The following HOOK3 variants were observed in gnomAD, a reference collection of about 807,000 sequenced individuals.
The protein encoded by HOOK3 is protein Hook homolog 3.
In HOOK3, 24 loss-of-function variants were observed where a neutral mutation model predicts 116.3. That is an observed-to-expected ratio of 0.21 (90% CI 0.15 to 0.29). The LOEUF (loss-of-function observed/expected upper bound fraction) is 0.29, where lower values mean the gene tolerates loss of function less well. Ranked by LOEUF, HOOK3 falls within the 10% of genes least tolerant of loss-of-function variation. The pLI is 1.00. For missense variants in HOOK3, 632 were observed against 830.2 expected, an observed-to-expected ratio of 0.76 and a Z score of 2.93; for synonymous variants, 275 against 283.0, an observed-to-expected ratio of 0.97 and a Z score of 0.28.
At chr8:42,937,954 C>T (rs545682153) in intron 4 of HOOK3, among the ~76,000 whole-genome samples, 36 of 152,276 alleles carry the variant, frequency 2.4e-4, no homozygotes, top group African/African-American at 8.4e-4. Flanking sequence ...TGTTAATTTT[C>T]TGTCTCATTA....
rs548162022 is a variant in HOOK3, at chr8:42,958,965, G to A, written c.532-266G>A. Among the ~76,000 whole-genome samples, 5 of 152,212 alleles carry A rather than the reference G, an allele frequency of 3.3e-5. No homozygotes were observed. The South Asian group carries it at 1.0e-3, about 32-fold the overall frequency. On this transcript the variant is annotated intron_variant, in intron 7 of 21. Coordinates refer to ENST00000307602, the MANE Select transcript of HOOK3 (RefSeq NM_032410.4). ...TTATCCTTACCAAGAACCAGGTAGT[G>A]TAGATCAAAAAAGACGCATAAGAAA... is the stretch of plus-strand genomic sequence containing the variant.
chr8:42,919,949 G>A (rs1264691367), intron 2 of HOOK3, among the ~76,000 whole-genome samples: 1 of 150,456 alleles, frequency 6.6e-6, no homozygotes, highest in Non-Finnish European at 1.5e-5. Flanking sequence ...GGGAGAGGGA[G>A]AGGGTTTTTT....
intron 15 of HOOK3, among the ~76,000 whole-genome samples, chr8:42,995,695 G>C (rs1460419408): frequency 6.6e-6 from 1 of 151,988 alleles, no homozygotes; most frequent in Non-Finnish European, 1.5e-5. Flanking sequence ...CAAATTTCTA[G>C]GCATTTCATT....
intron 18 of HOOK3, among the ~76,000 whole-genome samples, chr8:43,009,270 G>T (rs1809556924): frequency 6.6e-6 from 1 of 152,060 alleles, no homozygotes; most frequent in South Asian, 2.1e-4. Flanking sequence ...GCCGGGGGTG[G>T]TGGCAAACAC....
intron 11 of HOOK3, among the ~76,000 whole-genome samples, chr8:42,968,513 A>G (rs1808672452): frequency 6.6e-6 from 1 of 152,050 alleles, no homozygotes; most frequent in Non-Finnish European, 1.5e-5. Context: ...GTATTTTGGT[A>G]AAGACAGGGT....
Position 43,029,033 on chromosome 8 carries a change from C to T in HOOK3, c.*10535C>T, listed in dbSNP as rs752580115. The T allele has an allele frequency of 2.1e-4, 41 of 193,082 alleles. No individual in the cohort carries two copies. The highest frequency in any genetic ancestry group is 7.0e-4 in the African/African-American group (30 of 43,130). The allele number at this position is 193,082 out of a possible 1,614,324, so 12.0% of individuals were successfully genotyped here. On this transcript the variant is annotated 3_prime_UTR_variant, in exon 22 of 22. Coordinates refer to ENST00000307602, the MANE Select transcript of HOOK3 (RefSeq NM_032410.4). ...GTAGCGATTCATATTAGTTAAGGGA[C>T]GTTTTCAATATGCTTGAAATAAGAA...
At chr8:42,954,511 T>C (rs1386833775) in intron 6 of HOOK3, among the ~76,000 whole-genome samples, 1 of 152,232 alleles carries the variant, frequency 6.6e-6, no homozygotes, top group East Asian at 1.9e-4. Flanking sequence ...ATTACATAGT[T>C]GATAAAAATG....
At chr8:42,900,771 T>C (rs1162594980) in intron 1 of HOOK3, among the ~76,000 whole-genome samples, 1 of 152,252 alleles carries the variant, frequency 6.6e-6, no homozygotes, top group Non-Finnish European at 1.5e-5. Context: ...CTCTGTGTTT[T>C]GATTGCATTG....
rs144022825 is a variant in HOOK3 at position 42,910,368 on chromosome 8, T to A, written c.143+4110T>A. On this transcript the variant is annotated intron_variant, in intron 2 of 21. Transcript: ENST00000307602. ...CTAGAATGCCTTCCTTTTTTTTTCC[T>A]TTTGTTGAGATATGTCACACACAGA... 3.1e-4 allele frequency among the ~76,000 whole-genome samples: 47 copies of A among 152,238 alleles called. No individual in the cohort carries two copies. In the East Asian group the frequency reaches 8.3e-3, roughly 27 times the overall value.
intron 13 of HOOK3, among the ~76,000 whole-genome samples, chr8:42,978,824 C>T (rs1808877944): frequency 6.6e-6 from 1 of 152,196 alleles, no homozygotes; most frequent in Admixed American, 6.5e-5. Context: ...GCTGGGATTA[C>T]AGGCATGTGC....
chr8:43,012,706 C>T (rs1326233608), intron 19 of HOOK3, among the ~76,000 whole-genome samples: 3 of 152,032 alleles, frequency 2.0e-5, no homozygotes, highest in African/African-American at 7.2e-5. Flanking sequence ...CTCAAGTGAT[C>T]GTCCTGCCTC....
intron 9 of HOOK3, among the ~76,000 whole-genome samples, chr8:42,966,096 TTA>T (rs1808627213): frequency 6.6e-6 from 1 of 152,226 alleles, no homozygotes; most frequent in African/African-American, 2.4e-5. Flanking sequence ...TAGAAAATAG[TTA>T]TTTTTCATAA....
chr8:42,972,019 T>G (rs1297182040), intron 11 of HOOK3, among the ~76,000 whole-genome samples: 5 of 152,206 alleles, frequency 3.3e-5, no homozygotes, highest in African/African-American at 9.7e-5. Context: ...TCCTCTTTAC[T>G]TTTTTAAGTA....
At chr8:43,017,309 C>T (rs1264933894) in intron 21 of HOOK3, among the ~76,000 whole-genome samples, 1 of 152,206 alleles carries the variant, frequency 6.6e-6, no homozygotes, top group South Asian at 2.1e-4. Flanking sequence ...GCACTGTTCC[C>T]ATGCTACAGT....
At chr8:42,999,533 A>G (rs1013436850) in intron 16 of HOOK3, among the ~76,000 whole-genome samples, 2 of 152,224 alleles carry the variant, frequency 1.3e-5, no homozygotes, top group African/African-American at 2.4e-5. Context: ...TCTCTAACTT[A>G]AAGTGTTGCA....
chr8:42,940,861 T>C (rs1301663442), intron 4 of HOOK3, among the ~76,000 whole-genome samples: 1 of 152,228 alleles, frequency 6.6e-6, no homozygotes, highest in Non-Finnish European at 1.5e-5. Flanking sequence ...CTTGGTTCCA[T>C]TCTCCCTGTC....
At chr8:42,910,113 A>G (rs989367890) in intron 2 of HOOK3, among the ~76,000 whole-genome samples, 14 of 152,246 alleles carry the variant, frequency 9.2e-5, no homozygotes, top group South Asian at 2.1e-4. Context: ...ATTTGAGGCA[A>G]TGGATACTAA....
At chr8:42,922,019 G>A (rs1323182607) in intron 2 of HOOK3, among the ~76,000 whole-genome samples, 1 of 152,120 alleles carries the variant, frequency 6.6e-6, no homozygotes, top group East Asian at 1.9e-4. Context: ...CTCAACTAAA[G>A]TAGCTTAAAA....
Position 43,024,316 on chromosome 8 carries a change from G to A in HOOK3, c.*5818G>A, listed in dbSNP as rs190987510. ...TGATGTAGCATTGTACTTCTCAACA[G>A]TGAAGCCTGTGTAATACCATACAGT... On this transcript the variant is annotated 3_prime_UTR_variant, in exon 22 of 22. Coordinates refer to ENST00000307602, the MANE Select transcript of HOOK3 (RefSeq NM_032410.4). The A allele has an allele frequency of 1.6e-3, 322 of 197,558 alleles. 1 individual carries two copies. Among genetic ancestry groups the A allele is most frequent in the Non-Finnish European group, 2.5e-3 (236 of 95,320 alleles). The allele number at this position is 197,558 out of a possible 1,614,324, so 12.2% of individuals were successfully genotyped here.
Sources: gnomAD v4.1 joint callset for allele counts (sites outside exome capture counted in the v4.1 genomes callset) on GRCh38, gnomAD v4.1.1 for gene constraint, MANE v1.5 for transcripts, NCBI Gene and HGNC (gene_info 2026-07-23, HGNC 2026-07-21) for gene names.